The following LRP1B variants were observed in gnomAD, a reference collection of about 807,000 sequenced individuals.
LRP1B encodes the protein LDL receptor related protein 1B.
A neutral mutation model predicts 556.6 loss-of-function variants in LRP1B; 217 were observed. The observed-to-expected ratio is 0.39, with a 90% CI of 0.35 to 0.44. The LOEUF is 0.44. Ranked by LOEUF, LRP1B falls within the 20% of genes least tolerant of loss-of-function variation. LRP1B has a pLI of 1.00. For synonymous variants in LRP1B, 2,047 were observed against 1,865.8 expected, an observed-to-expected ratio of 1.10 and a Z score of -2.50; for missense variants, 5,053 against 5,620.8, an observed-to-expected ratio of 0.90 and a Z score of 3.23.
At chr2:142,127,406 T>TCCATC in intron 1 of LRP1B, among the ~76,000 whole-genome samples, 1 of 118,728 alleles carries the variant, frequency 8.4e-6, no homozygotes, top group Non-Finnish European at 1.8e-5. Flanking sequence ...ATCCATCCAT[T>TCCATC]CATCTTTTTC....
chr2:141,024,763 T>C (rs1042855971), intron 11 of LRP1B, among the ~76,000 whole-genome samples: 3 of 151,990 alleles, frequency 2.0e-5, no homozygotes, highest in Non-Finnish European at 4.4e-5. Context: ...ACAAGCAGGA[T>C]GGTCATCAGC....
intron 77 of LRP1B, among the ~76,000 whole-genome samples, chr2:140,345,756 A>G (rs573676683): frequency 3.3e-5 from 4 of 122,858 alleles, no homozygotes; most frequent in Non-Finnish European, 7.2e-5. Flanking sequence ...ATACACATAT[A>G]TACATATATA....
intron 3 of LRP1B, among the ~76,000 whole-genome samples, chr2:141,423,729 T>C (rs1461680147): frequency 6.6e-6 from 1 of 152,176 alleles, no homozygotes; most frequent in East Asian, 1.9e-4. Flanking sequence ...TCTTACTTTG[T>C]GGATTAATCT....
intron 2 of LRP1B, among the ~76,000 whole-genome samples, chr2:141,630,378 AG>A: frequency 6.6e-6 from 1 of 152,316 alleles, no homozygotes; most frequent in East Asian, 1.9e-4. Flanking sequence ...CCCAGACAAA[AG>A]TCCTCACAGG....
intron 2 of LRP1B, among the ~76,000 whole-genome samples, chr2:141,809,940 T>G (rs890413609): frequency 2.6e-5 from 4 of 151,932 alleles, no homozygotes; most frequent in African/African-American, 9.7e-5. Flanking sequence ...TTTTTTCTAG[T>G]GTTAACACAA....
At chr2:140,391,559 G>C (rs1380360588) in intron 66 of LRP1B, among the ~76,000 whole-genome samples, 2 of 152,094 alleles carry the variant, frequency 1.3e-5, no homozygotes, top group African/African-American at 4.8e-5. Context: ...ATTGCAAGGA[G>C]TTTTTAAAAA....
chr2:141,437,740 G>A (rs966731685), intron 3 of LRP1B, among the ~76,000 whole-genome samples: 10 of 151,760 alleles, frequency 6.6e-5, no homozygotes, highest in Non-Finnish European at 1.5e-4. Context: ...GCTCAATGTA[G>A]GCTGTCTTTT....
chr2:140,593,045 A>G lies in LRP1B; in HGVS notation c.7194+5586T>C, dbSNP rs576805872. Among the ~76,000 whole-genome samples, 199 of 152,264 alleles carry G rather than the reference A, an allele frequency of 1.3e-3. 1 individual carries two copies. The highest frequency in any genetic ancestry group is 4.4e-3 in the African/African-American group (182 of 41,566). On this transcript the variant is annotated intron_variant, in intron 43 of 90. Coordinates refer to ENST00000389484, the MANE Select transcript of LRP1B (RefSeq NM_018557.3). ...TCATTACTTTCTGATTGTTCTTAGA[A>G]TTAAAACTAGTTTATTTATTTAACT...
intron 86 of LRP1B, among the ~76,000 whole-genome samples, chr2:140,268,337 G>T (rs991094917): frequency 3.3e-5 from 5 of 152,046 alleles, no homozygotes; most frequent in African/African-American, 1.2e-4. Flanking sequence ...CCCTGTAGGT[G>T]ATCTGCAAGA....
At chr2:141,954,015 C>T (rs559939952) in intron 1 of LRP1B, among the ~76,000 whole-genome samples, 9 of 152,152 alleles carry the variant, frequency 5.9e-5, no homozygotes, top group African/African-American at 2.2e-4. Flanking sequence ...TTTCCTTGCC[C>T]TATTCAAAAA....
intron 29 of LRP1B, among the ~76,000 whole-genome samples, chr2:140,841,428 T>A (rs1004990528): frequency 5.9e-5 from 9 of 152,154 alleles, no homozygotes; most frequent in Non-Finnish European, 1.0e-4. Context: ...TAATAGCTTC[T>A]CCAGTTGATA....
At chr2:142,014,081 T>C (rs764097525) in intron 1 of LRP1B, among the ~76,000 whole-genome samples, 15 of 152,102 alleles carry the variant, frequency 9.9e-5, no homozygotes, top group Non-Finnish European at 1.6e-4. Context: ...TCTCCCCATA[T>C]ATACAAGCAT....
chr2:141,969,765 G>T (rs1323718768), intron 1 of LRP1B, among the ~76,000 whole-genome samples: 1 of 151,530 alleles, frequency 6.6e-6, no homozygotes, highest in Non-Finnish European at 1.5e-5. Context: ...GTAAATCCTG[G>T]TAGAGGGATT....
At chr2:141,186,311 G>T (rs190187520) in intron 7 of LRP1B, among the ~76,000 whole-genome samples, 1 of 148,626 alleles carries the variant, frequency 6.7e-6, no homozygotes, top group African/African-American at 2.4e-5. Context: ...AATTTTAGGC[G>T]CAGAACATTT....
In LRP1B at chr2:141,490,890, T is replaced by A. The variant is rs545658919; in HGVS notation, c.206-10357A>T. Among the ~76,000 whole-genome samples the A allele has an allele frequency of 2.1e-4, 32 of 151,588 alleles. No individual in the cohort carries two copies. The South Asian group carries it at 5.4e-3, about 26-fold the overall frequency. On this transcript the variant is annotated intron_variant, in intron 2 of 90. Transcript: ENST00000389484. ...TTAAAAGCTCCAGAAATTTATTTTCTCCTTCGTCCCCCTCCCTCCACTTCC... is the reference window on the plus strand; with the variant it reads ...TTAAAAGCTCCAGAAATTTATTTTCACCTTCGTCCCCCTCCCTCCACTTCC...
intron 2 of LRP1B, among the ~76,000 whole-genome samples, chr2:141,759,634 C>T (rs575842530): frequency 2.6e-5 from 4 of 152,144 alleles, no homozygotes; most frequent in Non-Finnish European, 4.4e-5. Flanking sequence ...CAGTCTTAGA[C>T]GTACCATGGG....
At chr2:141,038,170 G>A (rs1390570164) in intron 11 of LRP1B, among the ~76,000 whole-genome samples, 1 of 151,876 alleles carries the variant, frequency 6.6e-6, no homozygotes, top group African/African-American at 2.4e-5. Context: ...TGGGAGGGGT[G>A]GGAAAATAAA....
At chr2:141,357,662 C>G (rs1446475052) in intron 3 of LRP1B, among the ~76,000 whole-genome samples, 1 of 152,044 alleles carries the variant, frequency 6.6e-6, no homozygotes, top group Non-Finnish European at 1.5e-5. Context: ...TTACTTATAA[C>G]TGAAAACAAT....
chr2:142,118,129 C>T (rs150997428), intron 1 of LRP1B, among the ~76,000 whole-genome samples: 3 of 152,064 alleles, frequency 2.0e-5, no homozygotes, highest in Admixed American at 6.6e-5. Context: ...CTTCGGGTTC[C>T]TTTATATGAT....
Sources: gnomAD v4.1 joint callset for allele counts (sites outside exome capture counted in the v4.1 genomes callset) on GRCh38, gnomAD v4.1.1 for gene constraint, MANE v1.5 for transcripts, NCBI Gene and HGNC (gene_info 2026-07-23, HGNC 2026-07-21) for gene names.